Variants in ZNF410 observed in about 807,000 individuals in gnomAD.
ZNF410 encodes the protein another partner for ARF 1.
Under a neutral mutation model 54.8 loss-of-function variants are expected in ZNF410, and 18 were observed. That is an observed-to-expected ratio of 0.33 (90% CI 0.23 to 0.49). ZNF410 has a LOEUF of 0.49. ZNF410 is among the 20% of genes least tolerant of loss of function. The pLI, the probability that ZNF410 is intolerant of heterozygous loss-of-function variation, is 0.99. For missense variants in ZNF410, 405 were observed against 569.6 expected, an observed-to-expected ratio of 0.71 and a Z score of 2.94; for synonymous variants, 191 against 207.3, an observed-to-expected ratio of 0.92 and a Z score of 0.68.
intron 5 of ZNF410, among the ~76,000 whole-genome samples, chr14:73,901,455 A>G (rs2055405196): frequency 1.3e-5 from 2 of 150,678 alleles, no homozygotes; most frequent in African/African-American, 4.9e-5. Context: ...TTTGCGTTAT[A>G]TTTATTTGAC....
intron 2 of ZNF410, 152 bp from the exon 3 acceptor site, chr14:73,893,645 G>T: frequency 1.1e-6 from 1 of 877,668 alleles, no homozygotes; most frequent in Non-Finnish European, 1.6e-6. Context: ...CAGAGAACTT[G>T]ATAAAATAAC....
At chr14:73,906,183 T>G in intron 7 of ZNF410, 1 of 152,098 alleles carries the variant, frequency 6.6e-6, no homozygotes, top group African/African-American at 2.4e-5. Context: ...TGTTTGTATT[T>G]TTAGTAGAGA....
intron 8 of ZNF410, among the ~76,000 whole-genome samples, chr14:73,918,238 G>A (rs192516248): frequency 0.068 from 10,265 of 151,920 alleles, 846 homozygotes; most frequent in East Asian, 0.44. Flanking sequence ...AGCCTCCCAA[G>A]TAGCTGAGAT....
chr14:73,903,126 A>AT (rs1215099850), intron 5 of ZNF410, among the ~76,000 whole-genome samples: 2 of 152,134 alleles, frequency 1.3e-5, no homozygotes, highest in Non-Finnish European at 2.9e-5. Context: ...ATACAGTGGG[A>AT]TTTTTTGTTT....
chr14:73,916,136 G>C (rs1317567909), intron 8 of ZNF410: 1 of 152,086 alleles, frequency 6.6e-6, no homozygotes, highest in Non-Finnish European at 1.5e-5. Context: ...ATGAGAGGAA[G>C]GGAGAGATAG....
At chr14:73,893,462 G>T in intron 2 of ZNF410, 1 of 209,306 alleles carries the variant, frequency 4.8e-6, no homozygotes, top group Non-Finnish European at 9.6e-6. Context: ...GAATACTGTA[G>T]GCAGTTGAAG....
At chr14:73,907,525 T>C (rs140809149) in intron 7 of ZNF410, among the ~76,000 whole-genome samples, 183 of 143,592 alleles carry the variant, frequency 1.3e-3, no homozygotes, top group Non-Finnish European at 2.3e-3. Context: ...AACTCGGGAG[T>C]TAGAGGTTGC....
Position 73,931,665 on chromosome 14 carries a change from G to T in ZNF410, c.*124G>T. On this transcript the variant is annotated 3_prime_UTR_variant, in exon 12 of 12. Coordinates refer to ENST00000555044, the MANE Select transcript of ZNF410 (RefSeq NM_021188.3). ...TTTGAAGGCACAAGACTCTGCTTTT[G>T]CCACTCTTCCTCTTTCCTGGTATAG... 1.2e-6 allele frequency: 1 copy of T among 847,896 alleles called. No homozygotes were observed. The highest frequency in any genetic ancestry group is 2.5e-5 in the Admixed American group (1 of 40,696). 52.5% of individuals were successfully genotyped at this position (847,896 alleles called of 1,614,324 possible). A position where few individuals can be genotyped will look rare whatever the true frequency, so the allele number is the denominator to read the frequency against.
At chr14:73,914,600 G>C (rs2055634564) in intron 8 of ZNF410, 2 of 151,380 alleles carry the variant, frequency 1.3e-5, no homozygotes, top group Middle Eastern at 3.4e-3. Context: ...TGACAGGCAT[G>C]AGCCACTGCA....
chr14:73,889,812 CT>C (rs1566648526), intron 1 of ZNF410, among the ~76,000 whole-genome samples: 11 of 23,162 alleles, frequency 4.7e-4, no homozygotes, highest in Admixed American at 1.9e-3. Flanking sequence ...TTTTTTTTTT[CT>C]CGACACAGAG....
chr14:73,912,282 G>A (rs901952102), intron 8 of ZNF410, among the ~76,000 whole-genome samples: 3 of 150,184 alleles, frequency 2.0e-5, no homozygotes, highest in Admixed American at 6.7e-5. Context: ...CAATTCTCCC[G>A]TCTCAGCCAC....
At chr14:73,891,950 G>A in intron 1 of ZNF410, 77 bp from the exon 2 acceptor site, 2 of 650,036 alleles carry the variant, frequency 3.1e-6, no homozygotes, top group Non-Finnish European at 2.7e-6. Context: ...TTTTGTATAT[G>A]TAAAGAAGTG....
At chr14:73,918,584 C>T (rs1028892915) in intron 8 of ZNF410, among the ~76,000 whole-genome samples, 3 of 151,674 alleles carry the variant, frequency 2.0e-5, no homozygotes, top group Non-Finnish European at 4.4e-5. Context: ...AAAGAAGTCC[C>T]ATTATTAGTA....
At chr14:73,913,299 C>T (rs910764411) in intron 8 of ZNF410, 14 of 152,278 alleles carry the variant, frequency 9.2e-5, no homozygotes, top group African/African-American at 3.1e-4. Context: ...TTTCCTCTGC[C>T]TAGCAAGCTC....
chr14:73,921,502 G>C (rs1350422950), intron 9 of ZNF410, among the ~76,000 whole-genome samples: 3 of 152,222 alleles, frequency 2.0e-5, no homozygotes, highest in East Asian at 3.9e-4. Flanking sequence ...TTTTTAGATG[G>C]AGTCTTGCTT....
chr14:73,926,180 A>G (rs1292272511), intron 11 of ZNF410, among the ~76,000 whole-genome samples: 2 of 152,232 alleles, frequency 1.3e-5, no homozygotes, highest in African/African-American at 4.8e-5. Context: ...TGCCTCTAAC[A>G]AGATACAATA....
intron 11 of ZNF410, 110 bp from the exon 12 acceptor site, chr14:73,931,393 C>T: frequency 1.1e-6 from 1 of 889,204 alleles, no homozygotes; most frequent in Non-Finnish European, 1.7e-6. Flanking sequence ...AGCCTTCATT[C>T]ACCCCTGTAG....
intron 11 of ZNF410, among the ~76,000 whole-genome samples, chr14:73,925,433 C>CTT (rs58959688): frequency 2.8e-5 from 4 of 144,426 alleles, no homozygotes; most frequent in African/African-American, 2.5e-5. Flanking sequence ...CTAACTTTGA[C>CTT]TTTTTTTTTT....
At chr14:73,900,030 T>C (rs906750047) in intron 5 of ZNF410, among the ~76,000 whole-genome samples, 1 of 152,028 alleles carries the variant, frequency 6.6e-6, no homozygotes, top group East Asian at 1.9e-4. Flanking sequence ...ATCCCGTCTC[T>C]ACTAAAAATA....
Sources: gnomAD v4.1 joint callset for allele counts (sites outside exome capture counted in the v4.1 genomes callset) on GRCh38, gnomAD v4.1.1 for gene constraint, MANE v1.5 for transcripts, NCBI Gene and HGNC (gene_info 2026-07-23, HGNC 2026-07-21) for gene names.